The following GAS7 variants were observed in gnomAD, a reference collection of about 807,000 sequenced individuals.
GAS7 encodes the protein growth arrest-specific protein 7.
In GAS7, 28 loss-of-function variants were observed where a neutral mutation model predicts 71.1. The observed-to-expected ratio is 0.39, with a 90% CI of 0.29 to 0.54. GAS7 has a LOEUF of 0.54. Among genes scored for constraint, GAS7 ranks in the 20% least tolerant of loss-of-function variants. GAS7 has a pLI of 0.62. For missense variants in GAS7, 436 were observed against 627.8 expected (o/e 0.69, Z 3.27); for synonymous variants, 258 against 245.8 (o/e 1.05, Z -0.46).
At chr17:10,129,468 A>G (rs1035439194) in intron 1 of GAS7, among the ~76,000 whole-genome samples, 4 of 152,070 alleles carry the variant, frequency 2.6e-5, no homozygotes, top group African/African-American at 9.7e-5. Flanking sequence ...CCGGAAGGTC[A>G]AGGCTGCAGT....
chr17:10,146,888 G>C (rs2074125315), intron 1 of GAS7, among the ~76,000 whole-genome samples: 2 of 151,140 alleles, frequency 1.3e-5, no homozygotes. Context: ...GGAGGCTGAG[G>C]CAGAATGGCA....
intron 1 of GAS7, among the ~76,000 whole-genome samples, chr17:10,038,428 G>A (rs2072798691): frequency 6.6e-6 from 1 of 152,202 alleles, no homozygotes. Context: ...TGGAACCCTT[G>A]TGCCCTTCTG....
At chr17:9,927,004 G>C in intron 9 of GAS7, 1 of 500,032 alleles carries the variant, frequency 2.0e-6, no homozygotes, top group Non-Finnish European at 3.6e-6. Context: ...AGGATAAGTG[G>C]TTAGCAACTA....
Position 10,103,703 on chromosome 17 carries a change from G to A in GAS7, c.184-83806C>T, listed in dbSNP as rs748501967. Among the ~76,000 whole-genome samples the A allele has an allele frequency of 2.6e-5, 4 of 152,048 alleles. No individual in the cohort carries two copies. The highest frequency in any genetic ancestry group is 6.5e-5 in the Admixed American group (1 of 15,274). On this transcript the variant is annotated intron_variant, in intron 1 of 13. Coordinates refer to ENST00000432992, the MANE Select transcript of GAS7 (RefSeq NM_201433.2). This position sits in a 1 kb window ranked among gnomAD's most constrained non-coding sequence, Gnocchi z 5.5. ...TAGCTGGGTGTGGTGGCACATGCCT[G>A]TAATCCCGGCTACTAGGGAGGCTGA...
intron 1 of GAS7, among the ~76,000 whole-genome samples, chr17:10,096,940 T>C (rs2073646901): frequency 6.6e-6 from 1 of 151,682 alleles, no homozygotes; most frequent in Non-Finnish European, 1.5e-5. Context: ...TTTCCTTCCT[T>C]CCCTCATCAT....
chr17:10,100,301 T>C (rs1597791709), intron 1 of GAS7, among the ~76,000 whole-genome samples: 1 of 152,202 alleles, frequency 6.6e-6, no homozygotes, highest in Admixed American at 6.5e-5. Context: ...TCTGTATCTG[T>C]TCATCTTGAT....
chr17:10,112,232 G>A (rs79969243), intron 1 of GAS7, among the ~76,000 whole-genome samples: 3 of 152,220 alleles, frequency 2.0e-5, no homozygotes, highest in Non-Finnish European at 2.9e-5. Context: ...CCTCGAGCAC[G>A]TGACCGAAGA....
rs397857157 is a variant in GAS7 at position 10,178,702 on chromosome 17, CTTTTTTTTTT to C, written c.183+19496_183+19505del. On this transcript the variant is annotated intron_variant, in intron 1 of 13. Transcript: ENST00000432992. ...TCAACTCCCCTCCCTCCCCCACCAC[CTTTTTTTTTT>C]TTTTTTTTTTTTTTTTTTTTTGCTG... is the stretch of plus-strand genomic sequence containing the variant. Among the ~76,000 whole-genome samples the C allele has an allele frequency of 2.0e-4, 7 of 34,590 alleles. No individual in the cohort carries two copies. In the East Asian group the frequency reaches 5.6e-3, roughly 28 times the overall value. The allele number at this position is 34,590 out of a possible 152,430, so 22.7% of individuals were successfully genotyped here.
rs573805265 is a variant in GAS7 at position 9,989,397 on chromosome 17, C to A, written c.305-7513G>T. On this transcript the variant is annotated intron_variant, in intron 2 of 13. Transcript: ENST00000432992. ...TCTGTGTCAGGCACTGTGCTGGACA[C>A]GGGGTTATATTGCAGGAAATATAAG... 1.1e-3 allele frequency among the ~76,000 whole-genome samples: 160 copies of A among 152,186 alleles called. 1 individual carries two copies. The highest frequency in any genetic ancestry group is 3.7e-3 in the African/African-American group (154 of 41,508).
intron 2 of GAS7, among the ~76,000 whole-genome samples, chr17:9,998,592 C>T (rs998508167): frequency 3.3e-5 from 5 of 151,598 alleles, no homozygotes; most frequent in Non-Finnish European, 7.4e-5. Flanking sequence ...TATAGTGAGA[C>T]CCCTGTCTCT....
intron 1 of GAS7, among the ~76,000 whole-genome samples, chr17:10,171,752 CT>C (rs1468414575): frequency 6.6e-6 from 1 of 151,990 alleles, no homozygotes; most frequent in Non-Finnish European, 1.5e-5. Context: ...GTTGTGTGTC[CT>C]GAGCAAATTC....
chr17:10,091,559 T>C (rs1476991319), intron 1 of GAS7, among the ~76,000 whole-genome samples: 1 of 152,098 alleles, frequency 6.6e-6, no homozygotes, highest in Non-Finnish European at 1.5e-5. Context: ...AGCTAATTTT[T>C]GTATTTTTAG....
Position 10,016,694 on chromosome 17 carries a change from A to G in GAS7, c.304+3083T>C, listed in dbSNP as rs1333703742. 2.0e-5 allele frequency among the ~76,000 whole-genome samples: 3 copies of G among 149,034 alleles called. No homozygotes were observed. In the East Asian group the frequency reaches 5.8e-4, roughly 29 times the overall value. ...TGTGGAAGGTCAAGGCCAGTAGATT[A>G]CTTGAGGCCAAGAATTCAAGACCAG... On this transcript the variant is annotated intron_variant, in intron 2 of 13. Transcript: ENST00000432992.
chr17:9,991,248 T>C (rs938652368), intron 2 of GAS7, among the ~76,000 whole-genome samples: 2 of 152,128 alleles, frequency 1.3e-5, no homozygotes, highest in Admixed American at 1.3e-4. Flanking sequence ...AGAGGGGTGC[T>C]AGGGGTGAAG....
Position 10,005,078 on chromosome 17 carries a change from C to CACACACAT in GAS7, c.304+14698_304+14699insATGTGTGT, listed in dbSNP as rs1555617257. Among the ~76,000 whole-genome samples the CACACACAT allele has an allele frequency of 3.9e-5, 5 of 127,360 alleles. No homozygotes were observed. The East Asian group carries it at 9.8e-4, about 25-fold the overall frequency. 83.6% of individuals were successfully genotyped at this position (127,360 alleles called of 152,430 possible). ...ACATATATGTGTGTATGCACGCATA[C>CACACACAT]ATGCGTGTGTGCACGCATACATGCA... On this transcript the variant is annotated intron_variant, in intron 2 of 13. Transcript: ENST00000432992.
chr17:10,174,462 A>G (rs931842346), intron 1 of GAS7, among the ~76,000 whole-genome samples: 5 of 152,222 alleles, frequency 3.3e-5, no homozygotes, highest in African/African-American at 1.2e-4. Flanking sequence ...GGAGGCCGAG[A>G]CGGGCGGATC....
chr17:9,962,239 T>TACACACAC (rs58521200), intron 4 of GAS7, among the ~76,000 whole-genome samples: 7,924 of 148,624 alleles, frequency 0.053, 348 homozygotes, highest in Admixed American at 0.12. Flanking sequence ...GTGCATTTTA[T>TACACACAC]ACACACACAC....
intron 1 of GAS7, among the ~76,000 whole-genome samples, chr17:10,049,609 CTTTTTTTTTTT>C (rs1168627510): frequency 1.1e-4 from 8 of 70,394 alleles, no homozygotes; most frequent in Non-Finnish European, 5.6e-5. Context: ...GAAATTACTT[CTTTTTTTTTTT>C]TTTTTTTTTT....
intron 1 of GAS7, among the ~76,000 whole-genome samples, chr17:10,188,988 T>C (rs1211929136): frequency 1.3e-5 from 2 of 152,214 alleles, no homozygotes; most frequent in Non-Finnish European, 2.9e-5. Flanking sequence ...TCCTTGCCCA[T>C]TCTTATACTG....
Sources: allele counts gnomAD v4.1 joint callset (sites outside exome capture counted in the v4.1 genomes callset), GRCh38; gene constraint gnomAD v4.1.1; non-coding constraint Gnocchi (gnomAD v3.1); transcripts MANE v1.5; gene names NCBI Gene and HGNC (gene_info 2026-07-23, HGNC 2026-07-21).